The following METTL15 variants were observed in gnomAD, a reference collection of about 807,000 sequenced individuals.
METTL15 encodes methyltransferase 15, mitochondrial 12S rRNA N4-cytidine.
METTL15 carries 34 observed loss-of-function variants against 38.3 expected under a neutral mutation model. The ratio of observed to expected loss-of-function variants is 0.89; its 90% confidence interval spans 0.68 to 1.18. The LOEUF (loss-of-function observed/expected upper bound fraction) is 1.18, where lower values mean the gene tolerates loss of function less well. METTL15 is among the 50% of genes most tolerant of loss of function. METTL15 has a pLI of 0.00. For missense variants in METTL15, 438 were observed against 498.4 expected (o/e 0.88, Z 1.15); for synonymous variants, 162 against 170.9 (o/e 0.95, Z 0.41).
intron 4 of METTL15, among the ~76,000 whole-genome samples, chr11:28,278,432 A>C (rs1253987282): frequency 1.3e-5 from 2 of 152,204 alleles, no homozygotes; most frequent in African/African-American, 2.4e-5. Context: ...TAAAGTAAAT[A>C]AACTTCCCTG....
At chr11:28,453,590 T>C (rs936035013) in intron 6 of METTL15, among the ~76,000 whole-genome samples, 5 of 152,260 alleles carry the variant, frequency 3.3e-5, no homozygotes, top group African/African-American at 1.2e-4. Context: ...CATGTGTTTC[T>C]ACTGGGCCTT....
In METTL15 at chr11:28,362,095, A is replaced by G. The variant is rs577206752; in HGVS notation, c.*358+59A>G. 2.6e-5 allele frequency: 4 copies of G among 152,324 alleles called. No homozygotes were observed. In the South Asian group the frequency reaches 8.3e-4, roughly 32 times the overall value. 9.4% of individuals were successfully genotyped at this position (152,324 alleles called of 1,614,324 possible). On this transcript the variant is annotated intron_variant and NMD_transcript_variant, in intron 5 of 7. Coordinates refer to the METTL15 transcript ENST00000532947. ...TGACCCTCAGTAATGGTAGGGCACTATCCTAAACACCAGTTGTATCAGCAA... is the reference window on the plus strand; with the variant it reads ...TGACCCTCAGTAATGGTAGGGCACTGTCCTAAACACCAGTTGTATCAGCAA...
At chr11:28,218,397 T>C (rs536954427) in intron 4 of METTL15, among the ~76,000 whole-genome samples, 3 of 152,254 alleles carry the variant, frequency 2.0e-5, no homozygotes, top group Admixed American at 6.5e-5. Flanking sequence ...GTGATTTTTG[T>C]ACATTGATTT....
At chr11:28,205,009 G>C (rs1412857433) in intron 3 of METTL15, among the ~76,000 whole-genome samples, 1 of 151,866 alleles carries the variant, frequency 6.6e-6, no homozygotes. Flanking sequence ...ATCCATAGAA[G>C]GGTTACTTTG....
intron 5 of METTL15, among the ~76,000 whole-genome samples, chr11:28,366,843 A>C (rs951090334): frequency 2.6e-5 from 4 of 152,176 alleles, no homozygotes; most frequent in Admixed American, 2.6e-4. Context: ...TCCTCCCCAG[A>C]GACCCTGACA....
At chr11:28,200,939 A>G (rs945409000) in intron 3 of METTL15, among the ~76,000 whole-genome samples, 13 of 152,052 alleles carry the variant, frequency 8.5e-5, no homozygotes, top group African/African-American at 2.4e-5. Flanking sequence ...TTCCAATACT[A>G]TGTTGAATAG....
rs185542349 is a variant in METTL15 at position 28,159,176 on chromosome 11, C to G, written c.270+45572C>G. 1.2e-3 allele frequency among the ~76,000 whole-genome samples: 188 copies of G among 152,182 alleles called. 2 individuals carry two copies. The highest frequency in any genetic ancestry group is 6.8e-3 in the Middle Eastern group (2 of 294). On this transcript the variant is annotated intron_variant, in intron 3 of 6. Transcript: ENST00000407364. ...GATTGCTACCTGGACACTTTGGGTT[C>G]CTCCTACCTTTAAGTGAAGAGGCTA...
intron 6 of METTL15, among the ~76,000 whole-genome samples, chr11:28,459,801 G>T (rs1467460269): frequency 1.3e-5 from 2 of 152,076 alleles, no homozygotes; most frequent in Non-Finnish European, 2.9e-5. Context: ...GGAGATAAGT[G>T]TATGTTTGTC....
chr11:28,197,711 C>T (rs1033830954), intron 3 of METTL15, among the ~76,000 whole-genome samples: 13 of 151,956 alleles, frequency 8.6e-5, no homozygotes, highest in Admixed American at 2.6e-4. Flanking sequence ...TGTAATTGTA[C>T]ATGCATGTTT....
chr11:28,167,821 A>G (rs1328596224), intron 3 of METTL15, among the ~76,000 whole-genome samples: 1 of 151,818 alleles, frequency 6.6e-6, no homozygotes, highest in Non-Finnish European at 1.5e-5. Context: ...CACCTTATCA[A>G]CTTTATCATC....
In METTL15 at chr11:28,391,024, G is replaced by A. The variant is rs181607110; in HGVS notation, c.*358+28988G>A. Among the ~76,000 whole-genome samples, 706 of 151,742 alleles carry A rather than the reference G, an allele frequency of 4.7e-3. 11 individuals carry two copies. The highest frequency in any genetic ancestry group is 0.016 in the African/African-American group (678 of 41,432). ...TGGGAGTTCACTCATGATTTGCCTC[G>A]CTGTTTGTCTGTTATTGGTGTATAA... On this transcript the variant is annotated intron_variant and NMD_transcript_variant, in intron 5 of 7. Coordinates refer to the METTL15 transcript ENST00000532947.
At chr11:28,448,314 T>C (rs941074590) in intron 6 of METTL15, among the ~76,000 whole-genome samples, 6 of 152,230 alleles carry the variant, frequency 3.9e-5, no homozygotes, top group African/African-American at 1.4e-4. Context: ...CTCTGGTGAC[T>C]ACATCCACCT....
At chr11:28,329,831 T>C (rs1359437339) in intron 6 of METTL15, among the ~76,000 whole-genome samples, 1 of 152,142 alleles carries the variant, frequency 6.6e-6, no homozygotes, top group Non-Finnish European at 1.5e-5. Context: ...ATAAATATCT[T>C]AGTAGACTTA....
chr11:28,443,761 A>C (rs1038788562), intron 6 of METTL15, among the ~76,000 whole-genome samples: 3 of 152,122 alleles, frequency 2.0e-5, no homozygotes, highest in African/African-American at 7.2e-5. Context: ...TCCACTTGAG[A>C]GTATGTAGAG....
intron 4 of METTL15, among the ~76,000 whole-genome samples, chr11:28,221,788 G>A (rs1565179798): frequency 6.6e-6 from 1 of 152,174 alleles, no homozygotes; most frequent in African/African-American, 2.4e-5. Flanking sequence ...ACCCTCAGCT[G>A]CACATCTGCT....
Position 28,162,611 on chromosome 11 carries a change from A to C in METTL15, c.271-48451A>C, listed in dbSNP as rs546891795. Reference sequence around the variant, plus strand: ...TAAGTTGAAGATGTCATAAGTCAAAAATGTATTGAATATACTTAACCTACT... The same window carrying C: ...TAAGTTGAAGATGTCATAAGTCAAACATGTATTGAATATACTTAACCTACT... On this transcript the variant is annotated intron_variant, in intron 3 of 6. Coordinates refer to ENST00000407364, the MANE Select transcript of METTL15 (RefSeq NM_001113528.2). Among the ~76,000 whole-genome samples, 35 of 152,224 alleles carry C rather than the reference A, an allele frequency of 2.3e-4. 1 individual carries two copies. In the South Asian group the frequency reaches 2.5e-3, roughly 11 times the overall value.
intron 5 of METTL15, among the ~76,000 whole-genome samples, chr11:28,384,625 A>G (rs1036616485): frequency 6.6e-6 from 1 of 151,962 alleles, no homozygotes; most frequent in African/African-American, 2.4e-5. Context: ...TGTCTTTATG[A>G]TAGAATGATT....
At chr11:28,174,847 A>G (rs1191899657) in intron 3 of METTL15, among the ~76,000 whole-genome samples, 1 of 151,244 alleles carries the variant, frequency 6.6e-6, no homozygotes, top group African/African-American at 2.4e-5. Flanking sequence ...AAAGCAAAAA[A>G]AGCAAATCTC....
intron 6 of METTL15, among the ~76,000 whole-genome samples, chr11:28,448,121 A>C (rs1312692640): frequency 6.6e-6 from 1 of 151,602 alleles, no homozygotes; most frequent in Non-Finnish European, 1.5e-5. Flanking sequence ...CACTTTCATC[A>C]CAGAGTAGGG....
Sources: gnomAD v4.1 joint callset for allele counts (sites outside exome capture counted in the v4.1 genomes callset) on GRCh38, gnomAD v4.1.1 for gene constraint, MANE v1.5 for transcripts, NCBI Gene and HGNC (gene_info 2026-07-23, HGNC 2026-07-21) for gene names.